Variants in TMEM233 observed in about 807,000 individuals in gnomAD.
The protein encoded by TMEM233 is transmembrane protein 233, also known as dispanin subfamily B member 2.
In TMEM233, 6 loss-of-function variants were observed where a neutral mutation model predicts 11.2. The observed-to-expected ratio is 0.54, with a 90% CI of 0.29 to 1.06. TMEM233 has a LOEUF of 1.06. Ranked by LOEUF, TMEM233 falls within the 50% of genes least tolerant of loss-of-function variation. The probability of loss-of-function intolerance (pLI) is 0.08; values close to 1 mark genes in which losing one functional copy is unlikely to be tolerated. For synonymous variants in TMEM233, 59 were observed against 55.8 expected (o/e 1.06, Z -0.26); for missense variants, 127 against 144.7 (o/e 0.88, Z 0.63).
the TMEM233 span, among the ~76,000 whole-genome samples, chr12:119,653,847 T>C: frequency 2.6e-5 from 4 of 151,896 alleles, no homozygotes; most frequent in Non-Finnish European, 5.9e-5. Flanking sequence ...CTACCATATA[T>C]GTAATTAGAG....
At chr12:119,614,437 G>GAGAGT (rs1566103312) in intron 1 of TMEM233, among the ~76,000 whole-genome samples, 8 of 118,456 alleles carry the variant, frequency 6.8e-5, no homozygotes, top group African/African-American at 2.7e-4. Context: ...AGAGAGAGAG[G>GAGAGT]CAAGAACAAA....
In TMEM233 at chr12:119,634,205, T is replaced by C. The variant is rs553841427; in HGVS notation, c.323+4333T>C. 753 of 984,586 alleles carry C rather than the reference T, an allele frequency of 7.6e-4. 2 individuals carry two copies. In the Middle Eastern group the frequency reaches 9.9e-3, roughly 13 times the overall value. The allele number at this position is 984,586 out of a possible 1,614,324, so 61.0% of individuals were successfully genotyped here. Reference sequence around the variant, plus strand: ...GTCTACCCACAGGGAGCCTCCTTTGTAACAATCTATTTCCACAGAGGGGCT... The same window carrying C: ...GTCTACCCACAGGGAGCCTCCTTTGCAACAATCTATTTCCACAGAGGGGCT... On this transcript the variant is annotated intron_variant, in intron 2 of 2. Coordinates refer to ENST00000426426, the MANE Select transcript of TMEM233 (RefSeq NM_001136534.3).
In TMEM233 at chr12:119,601,157, G is replaced by T. The variant is rs191287698; in HGVS notation, c.186+7123G>T. Among the ~76,000 whole-genome samples, 14 of 152,140 alleles carry T rather than the reference G, an allele frequency of 9.2e-5. 1 individual carries two copies. Among genetic ancestry groups the T allele is most frequent in the African/African-American group, 2.7e-4 (11 of 41,502 alleles). On this transcript the variant is annotated intron_variant, in intron 1 of 2. Coordinates refer to ENST00000426426, the MANE Select transcript of TMEM233 (RefSeq NM_001136534.3). ...ATAGAAAAAATTCCCAGAACTGAACGCATGAATTTCCAGATTAAAAGAATC... is the reference window on the plus strand; with the variant it reads ...ATAGAAAAAATTCCCAGAACTGAACTCATGAATTTCCAGATTAAAAGAATC...
chr12:119,630,234 G>A (rs945596879), intron 2 of TMEM233, among the ~76,000 whole-genome samples: 15 of 152,182 alleles, frequency 9.9e-5, no homozygotes, highest in African/African-American at 3.6e-4. Flanking sequence ...CAGACTGAGT[G>A]ATTTATAAAA....
chr12:119,621,042 G>A (rs1450339133), intron 1 of TMEM233, among the ~76,000 whole-genome samples: 1 of 103,070 alleles, frequency 9.7e-6, no homozygotes, highest in Non-Finnish European at 1.9e-5. Context: ...CACCATACCT[G>A]GCTTTTTTTT....
intron 1 of TMEM233, among the ~76,000 whole-genome samples, chr12:119,603,091 CAAAAATAAAAAT>C (rs112192183): frequency 0.023 from 3,553 of 151,540 alleles, 137 homozygotes; most frequent in African/African-American, 0.08. Flanking sequence ...CCCGTCCCTA[CAAAAATAAAAAT>C]AAAAATAAAA....
rs1471311061 is a variant in TMEM233 at position 119,629,921 on chromosome 12, A to G, written c.323+49A>G. Reference sequence around the variant, plus strand: ...CCCCATGTCAAACGCCCTTTCTCGAACGCCCGTTGGAATCTGTTAGGGTAG... The same window carrying G: ...CCCCATGTCAAACGCCCTTTCTCGAGCGCCCGTTGGAATCTGTTAGGGTAG... On this transcript the variant is annotated intron_variant, in intron 2 of 2. Coordinates refer to ENST00000426426, the MANE Select transcript of TMEM233 (RefSeq NM_001136534.3). 4.6e-6 allele frequency: 7 copies of G among 1,530,440 alleles called. No individual in the cohort carries two copies. In the East Asian group the frequency reaches 1.5e-4, roughly 32 times the overall value. 94.8% of individuals were successfully genotyped at this position (1,530,440 alleles called of 1,614,324 possible). A position where few individuals can be genotyped will look rare whatever the true frequency, so the allele number is the denominator to read the frequency against.
chr12:119,647,792 AG>A (rs2058304701), downstream of TMEM233, among the ~76,000 whole-genome samples: 2 of 65,492 alleles, frequency 3.1e-5, no homozygotes, highest in Non-Finnish European at 7.4e-5. Flanking sequence ...CCCCCCCGAC[AG>A]GCCCCAGTGT....
the TMEM233 span, among the ~76,000 whole-genome samples, chr12:119,652,486 C>T: frequency 6.6e-6 from 1 of 152,096 alleles, no homozygotes; most frequent in African/African-American, 2.4e-5. Flanking sequence ...GGGAATCATC[C>T]ACATTTACCC....
chr12:119,638,268 T>A (rs989858674), intron 2 of TMEM233, among the ~76,000 whole-genome samples: 3 of 152,134 alleles, frequency 2.0e-5, no homozygotes, highest in Non-Finnish European at 4.4e-5. Flanking sequence ...GAGGCCAGCC[T>A]GGGAAACATA....
At chr12:119,653,243 T>G in the TMEM233 span, among the ~76,000 whole-genome samples, 1 of 151,476 alleles carries the variant, frequency 6.6e-6, no homozygotes. Context: ...ATACAAAAAA[T>G]TAACCAGGCA....
At chr12:119,610,607 G>A (rs1217401785) in intron 1 of TMEM233, among the ~76,000 whole-genome samples, 4 of 151,916 alleles carry the variant, frequency 2.6e-5, no homozygotes, top group African/African-American at 4.8e-5. Context: ...GAGTTCTCAC[G>A]ACATTATGAT....
At chr12:119,597,902 T>C (rs1316555493) in intron 1 of TMEM233, among the ~76,000 whole-genome samples, 3 of 152,200 alleles carry the variant, frequency 2.0e-5, no homozygotes, top group Admixed American at 2.0e-4. Context: ...TATTGCATCG[T>C]TGTGTGAATT....
At chr12:119,604,963 C>T (rs1372984190) in intron 1 of TMEM233, among the ~76,000 whole-genome samples, 1 of 150,648 alleles carries the variant, frequency 6.6e-6, no homozygotes, top group Non-Finnish European at 1.5e-5. Context: ...GTCTCCGTAG[C>T]CAAACTTTTG....
downstream of TMEM233, among the ~76,000 whole-genome samples, chr12:119,647,083 T>C (rs1955163130): frequency 6.6e-6 from 1 of 152,090 alleles, no homozygotes; most frequent in South Asian, 2.1e-4. Flanking sequence ...TTGGAAGAGA[T>C]GGGAGTCTTG....
chr12:119,651,076 G>A, the TMEM233 span, among the ~76,000 whole-genome samples: 14 of 152,324 alleles, frequency 9.2e-5, no homozygotes, highest in Middle Eastern at 3.4e-3. Flanking sequence ...GAGTCCATCC[G>A]AGTATACGAT....
chr12:119,644,935 TGGG>T (rs796595624), downstream of TMEM233, among the ~76,000 whole-genome samples: 34 of 151,854 alleles, frequency 2.2e-4, no homozygotes, highest in African/African-American at 8.0e-4. Flanking sequence ...AGTAGTCTAG[TGGG>T]GGGAACAGAC....
Position 119,613,637 on chromosome 12 carries a change from GACCCTGTCTCT to G in TMEM233, c.187-16095_187-16085del, listed in dbSNP as rs1954458462. On this transcript the variant is annotated intron_variant, in intron 1 of 2. Coordinates refer to ENST00000426426, the MANE Select transcript of TMEM233 (RefSeq NM_001136534.3). ...GAGACCAGCCTGGGCAACATAGCAA[GACCCTGTCTCT>G]ACCAGAAAATGAAAAAATTAGTCGG... is the stretch of plus-strand genomic sequence containing the variant. 2.0e-5 allele frequency among the ~76,000 whole-genome samples: 3 copies of G among 151,874 alleles called. No individual in the cohort carries two copies. In the South Asian group the frequency reaches 6.3e-4, roughly 32 times the overall value.
chr12:119,613,026 A>G (rs747910547), intron 1 of TMEM233, among the ~76,000 whole-genome samples: 1 of 152,096 alleles, frequency 6.6e-6, no homozygotes, highest in Admixed American at 6.5e-5. Flanking sequence ...CTTGTTATGT[A>G]GGTATACATG....
Sources: allele counts gnomAD v4.1 joint callset (sites outside exome capture counted in the v4.1 genomes callset), GRCh38; gene constraint gnomAD v4.1.1; transcripts MANE v1.5; gene names NCBI Gene and HGNC (gene_info 2026-07-23, HGNC 2026-07-21).